Variants in MAGI1 observed in about 807,000 individuals in gnomAD.
MAGI1 encodes membrane-associated guanylate kinase, WW and PDZ domain-containing protein 1.
MAGI1 carries 58 observed loss-of-function variants against 139.9 expected under a neutral mutation model. That is an observed-to-expected ratio of 0.41 (90% CI 0.34 to 0.52). The LOEUF (loss-of-function observed/expected upper bound fraction) is 0.52, where lower values mean the gene tolerates loss of function less well. Ranked by LOEUF, MAGI1 falls within the 20% of genes least tolerant of loss-of-function variation. MAGI1 has a pLI of 0.12. For missense variants in MAGI1, 1,874 were observed against 1,901.6 expected, an observed-to-expected ratio of 0.99 and a Z score of 0.27; for synonymous variants, 812 against 737.9, an observed-to-expected ratio of 1.10 and a Z score of -1.63.
At chr3:65,726,335 A>C (rs1390549833) in intron 1 of MAGI1, among the ~76,000 whole-genome samples, 1 of 152,206 alleles carries the variant, frequency 6.6e-6, no homozygotes, top group Non-Finnish European at 1.5e-5. Context: ...AGGAGAATAG[A>C]ATATTCAGCA....
At chr3:65,541,780 A>G (rs963221707) in intron 2 of MAGI1, among the ~76,000 whole-genome samples, 5 of 152,198 alleles carry the variant, frequency 3.3e-5, no homozygotes, top group African/African-American at 4.8e-5. Context: ...TCAAAATAAT[A>G]AGAGCTATTT....
At chr3:65,393,510 T>C (rs534118280) in intron 13 of MAGI1, among the ~76,000 whole-genome samples, 1 of 152,318 alleles carries the variant, frequency 6.6e-6, no homozygotes, top group South Asian at 2.1e-4. Context: ...CCTTGGTAAA[T>C]AGAATTAACG....
chr3:65,941,060 C>A (rs9845308), intron 1 of MAGI1, among the ~76,000 whole-genome samples: 1 of 151,940 alleles, frequency 6.6e-6, no homozygotes, highest in Non-Finnish European at 1.5e-5. Context: ...AATTATATTG[C>A]CCCTGCCGGG....
chr3:65,481,067 A>G (rs971720056), intron 3 of MAGI1, among the ~76,000 whole-genome samples: 1 of 152,140 alleles, frequency 6.6e-6, no homozygotes, highest in African/African-American at 2.4e-5. Flanking sequence ...ATCACGTTCA[A>G]ATTTGAAGGG....
At chr3:65,738,530 A>T (rs886352723) in intron 1 of MAGI1, among the ~76,000 whole-genome samples, 1 of 152,238 alleles carries the variant, frequency 6.6e-6, no homozygotes, top group Non-Finnish European at 1.5e-5. Flanking sequence ...AAGATTTTCA[A>T]CTTACTTTGA....
At chr3:65,387,268 TTCTTTC>T in intron 14 of MAGI1, 1 of 1,432,070 alleles carries the variant, frequency 7.0e-7, no homozygotes. Flanking sequence ...TTAATGTACA[TTCTTTC>T]TCTTAGTTCA....
intron 1 of MAGI1, among the ~76,000 whole-genome samples, chr3:65,915,452 C>G (rs1014029026): frequency 6.6e-6 from 1 of 152,342 alleles, no homozygotes; most frequent in Non-Finnish European, 1.5e-5. Context: ...AGCAGATGAT[C>G]TGCACACTTG....
intron 1 of MAGI1, among the ~76,000 whole-genome samples, chr3:65,708,370 AG>A (rs60599999): frequency 0.15 from 23,220 of 152,198 alleles, 1,918 homozygotes; most frequent in South Asian, 0.22. Context: ...TCTGTGCCTG[AG>A]GAAGAGAGAC....
At chr3:65,685,074 A>T (rs747225797) in intron 1 of MAGI1, among the ~76,000 whole-genome samples, 14 of 151,624 alleles carry the variant, frequency 9.2e-5, no homozygotes, top group Non-Finnish European at 1.9e-4. Context: ...TAGTTTTCGG[A>T]AATTATACCA....
chr3:65,487,457 T>C (rs777921840), intron 3 of MAGI1, among the ~76,000 whole-genome samples: 1 of 152,176 alleles, frequency 6.6e-6, no homozygotes, highest in Non-Finnish European at 1.5e-5. Flanking sequence ...AATAAAAGCA[T>C]CCCAGTCCTG....
At chr3:65,430,983 CT>C in intron 10 of MAGI1, 102 bp from the exon 11 acceptor site, 18 of 1,111,340 alleles carry the variant, frequency 1.6e-5, no homozygotes, top group Non-Finnish European at 2.2e-5. Flanking sequence ...CGCTTATGCC[CT>C]AGAGCCTTTG....
chr3:65,867,803 A>AAGAC (rs2059782550), intron 1 of MAGI1, among the ~76,000 whole-genome samples: 1 of 152,090 alleles, frequency 6.6e-6, no homozygotes, highest in Non-Finnish European at 1.5e-5. Flanking sequence ...CAAGCACAGT[A>AAGAC]AGACAGCTCC....
chr3:65,404,017 G>A (rs1427129419), intron 12 of MAGI1, among the ~76,000 whole-genome samples: 1 of 152,182 alleles, frequency 6.6e-6, no homozygotes, highest in Non-Finnish European at 1.5e-5. Flanking sequence ...CAGAATGGCA[G>A]GCACAGCAGG....
At chr3:65,519,786 T>C (rs947271590) in intron 2 of MAGI1, among the ~76,000 whole-genome samples, 1 of 152,216 alleles carries the variant, frequency 6.6e-6, no homozygotes. Flanking sequence ...GTTATTACAG[T>C]AATTGAAGTT....
At position 65,840,024 on chromosome 3, in the gene MAGI1, G is replaced by T. The variant is rs558653351; in HGVS notation, c.313+197972C>A. On this transcript the variant is annotated intron_variant, in intron 1 of 22. Transcript: ENST00000402939. ...CCTAAGTATACCTTTTTGTGGAATTGTAAGTGGTATACATTTTAAACTCAG... is the reference window on the plus strand; with the variant it reads ...CCTAAGTATACCTTTTTGTGGAATTTTAAGTGGTATACATTTTAAACTCAG... Among the ~76,000 whole-genome samples the T allele has an allele frequency of 1.4e-4, 22 of 152,186 alleles. No homozygotes were observed. In the East Asian group the frequency reaches 3.9e-3, roughly 27 times the overall value.
At chr3:65,508,446 T>C (rs888972820) in intron 2 of MAGI1, among the ~76,000 whole-genome samples, 1 of 152,084 alleles carries the variant, frequency 6.6e-6, no homozygotes, top group Non-Finnish European at 1.5e-5. Context: ...AAGTAGCTTT[T>C]ATTATTATAA....
At chr3:65,549,230 C>T (rs1017068884) in intron 2 of MAGI1, among the ~76,000 whole-genome samples, 5 of 152,118 alleles carry the variant, frequency 3.3e-5, no homozygotes, top group Non-Finnish European at 7.4e-5. Context: ...GCGGCAAGTG[C>T]AGCGCGTTCC....
chr3:65,520,401 T>C (rs1025038795), intron 2 of MAGI1, among the ~76,000 whole-genome samples: 8 of 152,196 alleles, frequency 5.3e-5, no homozygotes, highest in Admixed American at 2.0e-4. Context: ...TTGAACACAG[T>C]TGTATCACTT....
At chr3:65,749,295 G>T (rs1052471282) in intron 1 of MAGI1, among the ~76,000 whole-genome samples, 5 of 152,258 alleles carry the variant, frequency 3.3e-5, no homozygotes, top group Non-Finnish European at 5.9e-5. Flanking sequence ...TTATAACTGA[G>T]CATCCATCAA....
Sources: gnomAD v4.1 joint callset for allele counts (sites outside exome capture counted in the v4.1 genomes callset) on GRCh38, gnomAD v4.1.1 for gene constraint, MANE v1.5 for transcripts, NCBI Gene and HGNC (gene_info 2026-07-23, HGNC 2026-07-21) for gene names.